Variants in DISC1 observed in about 807,000 individuals in gnomAD.
DISC1 encodes disrupted in schizophrenia 1 protein.
Under a neutral mutation model 84.5 loss-of-function variants are expected in DISC1, and 57 were observed. The observed-to-expected ratio is 0.67, with a 90% confidence interval of 0.55 to 0.84. DISC1 has a LOEUF of 0.84. Ranked by LOEUF, DISC1 falls within the 40% of genes least tolerant of loss-of-function variation. The pLI, the probability that DISC1 is intolerant of heterozygous loss-of-function variation, is 0.00. For synonymous variants in DISC1, 411 were observed against 415.2 expected (o/e 0.99, Z 0.12); for missense variants, 1,000 against 1,057.8 (o/e 0.95, Z 0.76).
chr1:231,648,842 G>T (rs1174741733), intron 1 of DISC1, among the ~76,000 whole-genome samples: 2 of 152,152 alleles, frequency 1.3e-5, no homozygotes, highest in East Asian at 3.8e-4. Flanking sequence ...TAGTTTATTT[G>T]TGTAGAGGTA....
At chr1:231,784,680 G>A (rs1359680674) in intron 6 of DISC1, among the ~76,000 whole-genome samples, 1 of 152,140 alleles carries the variant, frequency 6.6e-6, no homozygotes, top group Admixed American at 6.6e-5. Flanking sequence ...TTCCTCCCAT[G>A]ATCCTCAAAA....
rs201590303 is a variant in DISC1 at position 231,636,377 on chromosome 1, T to C, written c.67+9443T>C. ...CAGTGACTCATTGGCCCAGAACTCA[T>C]GATCTCATCTCTCACCCAGCTGGCT... On this transcript the variant is annotated intron_variant, in intron 1 of 12. Transcript: ENST00000439617. 7.2e-5 allele frequency among the ~76,000 whole-genome samples: 11 copies of C among 152,302 alleles called. No individual in the cohort carries two copies. In the East Asian group the frequency reaches 1.9e-3, roughly 27 times the overall value.
At chr1:231,639,798 T>C (rs956921168) in intron 1 of DISC1, among the ~76,000 whole-genome samples, 1 of 152,224 alleles carries the variant, frequency 6.6e-6, no homozygotes, top group Non-Finnish European at 1.5e-5. Flanking sequence ...ATAAACTTGC[T>C]TGTATTGTCC....
intron 10 of DISC1, among the ~76,000 whole-genome samples, chr1:232,006,977 C>T (rs1470878743): frequency 1.3e-5 from 2 of 152,212 alleles, no homozygotes; most frequent in Non-Finnish European, 2.9e-5. Flanking sequence ...CAGCCTGTTG[C>T]TTCAGAGGGT....
At position 232,028,900 on chromosome 1, in the gene DISC1, A is replaced by T. The variant is rs79887784; in HGVS notation, c.2425+2348A>T. On this transcript the variant is annotated intron_variant, in intron 12 of 12. Transcript: ENST00000439617. Reference sequence around the variant, plus strand: ...TATAATAAAACTTCTATAAATGGATAGGGATTATTATCCCTACTTGACAGT... The same window carrying T: ...TATAATAAAACTTCTATAAATGGATTGGGATTATTATCCCTACTTGACAGT... Among the ~76,000 whole-genome samples, 255 of 152,310 alleles carry T rather than the reference A, an allele frequency of 1.7e-3. 7 individuals are homozygous for T. The East Asian group carries it at 0.043, about 26-fold the overall frequency.
At chr1:231,902,724 G>A (rs925891757) in intron 9 of DISC1, among the ~76,000 whole-genome samples, 1 of 152,152 alleles carries the variant, frequency 6.6e-6, no homozygotes, top group Non-Finnish European at 1.5e-5. Context: ...TTGTTAGAGC[G>A]GTCCTAGCTC....
At chr1:231,759,538 AAAAAAAAAAAAAAC>A (rs1165966029) in intron 4 of DISC1, among the ~76,000 whole-genome samples, 13 of 148,688 alleles carry the variant, frequency 8.7e-5, no homozygotes, top group South Asian at 4.3e-4. Flanking sequence ...AAAAAAAAAA[AAAAAAAAAAAAAAC>A]AAAACTAGCC....
rs568067964 is a variant in DISC1 at position 231,850,289 on chromosome 1, A to G, written c.1981+31772A>G. Among the ~76,000 whole-genome samples, 246 of 152,348 alleles carry G rather than the reference A, an allele frequency of 1.6e-3. 1 individual carries two copies. The highest frequency in any genetic ancestry group is 5.6e-3 in the African/African-American group (231 of 41,578). ...TACTGATCACTAAATCAGGGAACAGACGGAGGCGTGAGGTAGGATCCTACG... is the reference window on the plus strand; with the variant it reads ...TACTGATCACTAAATCAGGGAACAGGCGGAGGCGTGAGGTAGGATCCTACG... On this transcript the variant is annotated intron_variant, in intron 9 of 12. Transcript: ENST00000439617.
chr1:231,936,049 A>T (rs2090964416), intron 9 of DISC1, among the ~76,000 whole-genome samples: 1 of 152,166 alleles, frequency 6.6e-6, no homozygotes, highest in Admixed American at 6.5e-5. Context: ...AAGAGAGGAA[A>T]GTGTGTCCAT....
At chr1:231,771,141 GCTGT>G in intron 6 of DISC1, 71 bp downstream of exon 6, 2 of 1,477,614 alleles carry the variant, frequency 1.4e-6, no homozygotes. Flanking sequence ...GATTTTGTCT[GCTGT>G]CTTTCATTTC....
At chr1:231,987,478 CATAA>C (rs1424547660) in intron 10 of DISC1, among the ~76,000 whole-genome samples, 1 of 152,246 alleles carries the variant, frequency 6.6e-6, no homozygotes, top group Non-Finnish European at 1.5e-5. Flanking sequence ...CTTTTATATG[CATAA>C]ATAATCAGCA....
In DISC1 at chr1:231,920,976, G is replaced by A. The variant is rs931913415; in HGVS notation, c.1982-37852G>A. 1.8e-4 allele frequency among the ~76,000 whole-genome samples: 26 copies of A among 148,228 alleles called. No individual in the cohort carries two copies. In the Middle Eastern group the frequency reaches 0.025, roughly 144 times the overall value. On this transcript the variant is annotated intron_variant, in intron 9 of 12. Transcript: ENST00000439617. ...GGCTGGAGTGCAGTGGCGTGATCTC[G>A]GCTCACTGCAGCCTCCACCTCCTGG...
chr1:231,958,860 A>T lies in DISC1; in HGVS notation c.2014A>T (p.Met672Leu), dbSNP rs569395146. The change falls in exon 10 of 13, where the codon ATG (methionine) becomes TTG (leucine). Residue 672 changes from methionine (M) to leucine (L), a missense_variant. Physicochemically the swap from Met to Leu is conservative, Grantham distance 15. Around this residue, in one of 3 missense-constraint regions of DISC1, gnomAD observed 397 missense variants for 377.5 expected, o/e 1.05. Coordinates refer to ENST00000439617, the MANE Select transcript of DISC1 (RefSeq NM_018662.3). ...TGTGAAGGAAAATACTATGAAGTACATGGAAACACTTAAGAATAAACTGTG... is the reference window on the plus strand; with the variant it reads ...TGTGAAGGAAAATACTATGAAGTACTTGGAAACACTTAAGAATAAACTGTG... ...TSVKENTMKY[M>L]ETLKNKLCSC... 15 of 1,613,878 alleles carry T rather than the reference A, an allele frequency of 9.3e-6. No homozygotes were observed. The highest frequency in any genetic ancestry group is 1.7e-4 in the Middle Eastern group (1 of 6,060).
At chr1:231,929,521 T>C (rs942122467) in intron 9 of DISC1, among the ~76,000 whole-genome samples, 1 of 152,232 alleles carries the variant, frequency 6.6e-6, no homozygotes, top group African/African-American at 2.4e-5. Flanking sequence ...TGAGCCCTCA[T>C]GGCACTGCGC....
chr1:232,026,130 A>T (rs1431451447), intron 11 of DISC1, among the ~76,000 whole-genome samples: 1 of 152,170 alleles, frequency 6.6e-6, no homozygotes, highest in Non-Finnish European at 1.5e-5. Flanking sequence ...CCATTGATAC[A>T]GCTGGAAGAT....
In DISC1 at chr1:231,967,679, A is replaced by G. The variant is rs1346811194; in HGVS notation, c.2042+8791A>G. On this transcript the variant is annotated intron_variant, in intron 10 of 12. Coordinates refer to ENST00000439617, the MANE Select transcript of DISC1 (RefSeq NM_018662.3). ...TTTTACAAGAGAAACAATGATTTAC[A>G]TTACCTTATCAGTTTGAAATGCAAA... Among the ~76,000 whole-genome samples the G allele has an allele frequency of 2.6e-5, 4 of 152,338 alleles. No individual in the cohort carries two copies. The South Asian group carries it at 6.2e-4, about 24-fold the overall frequency.
rs1462141972 is a variant in DISC1, at chr1:232,031,220, A to G, written c.2425+4668A>G. Among the ~76,000 whole-genome samples the G allele has an allele frequency of 2.1e-5, 3 of 140,346 alleles. No individual in the cohort carries two copies. Among genetic ancestry groups the G allele is most frequent in the Admixed American group, 2.1e-4 (3 of 14,072 alleles). The allele number at this position is 140,346 out of a possible 152,430, so 92.1% of individuals were successfully genotyped here. On this transcript the variant is annotated intron_variant, in intron 12 of 12. Transcript: ENST00000439617. The surrounding 1 kb of genome is among the most constrained non-coding windows in gnomAD (Gnocchi z 4.6). The stretch of plus-strand genomic sequence containing the variant: ...CAGAGAGAGAGGAAGGAAGGAAGGG[A>G]GAAAGAGAGAGAGAAAGAGAGGAAG...
At chr1:231,652,466 A>G (rs1035449734) in intron 1 of DISC1, among the ~76,000 whole-genome samples, 3 of 152,228 alleles carry the variant, frequency 2.0e-5, no homozygotes, top group African/African-American at 7.2e-5. Context: ...TGGACATTAC[A>G]GGGTCAACTG....
At chr1:232,025,757 C>T (rs1385714807) in intron 11 of DISC1, among the ~76,000 whole-genome samples, 2 of 152,006 alleles carry the variant, frequency 1.3e-5, no homozygotes, top group East Asian at 1.9e-4. Context: ...CCACTACGCC[C>T]GGCTAATTTT....
Sources: gnomAD v4.1 joint callset for allele counts (sites outside exome capture counted in the v4.1 genomes callset) on GRCh38, gnomAD v4.1.1 for gene constraint, gnomAD v4.1.1 regional missense constraint, Gnocchi (gnomAD v3.1) non-coding constraint, MANE v1.5 for transcripts, NCBI Gene and HGNC (gene_info 2026-07-23, HGNC 2026-07-21) for gene names.